INCA1: variants seen among roughly 807,000 people sequenced by gnomAD.
INCA1 encodes the protein protein INCA1.
A neutral mutation model predicts 25.7 loss-of-function variants in INCA1; 28 were observed. The ratio of observed to expected loss-of-function variants is 1.09; its 90% CI spans 0.81 to 1.49. INCA1 has a LOEUF of 1.49. INCA1 is among the 40% of genes most tolerant of loss of function. The probability of loss-of-function intolerance (pLI) is 0.00; values close to 1 mark genes in which losing one functional copy is unlikely to be tolerated. For missense variants in INCA1, 309 were observed against 290.9 expected (o/e 1.06, Z -0.45); for synonymous variants, 111 against 103.6 (o/e 1.07, Z -0.43).
intron 4 of INCA1, 93 bp from the exon 5 acceptor site, chr17:4,989,717 G>T: frequency 6.5e-7 from 1 of 1,545,308 alleles, no homozygotes; most frequent in Non-Finnish European, 8.9e-7. Flanking sequence ...TGGGGTCTTG[G>T]GAAGACCCCT....
chr17:4,989,595 C>T (rs772185191), exon 5 of INCA1: 1 of 1,614,112 alleles, frequency 6.2e-7, no homozygotes, highest in East Asian at 2.2e-5. Flanking sequence ...CAGGAGGATA[C>T]AGACCAAGCT....
In INCA1 at chr17:4,989,468, GGT is replaced by G. The variant is rs1567707540; in HGVS notation, c.353_354del (p.Tyr118SerfsTer28). 1.2e-6 allele frequency: 2 copies of G among 1,614,170 alleles called. No homozygotes were observed. The highest frequency in any genetic ancestry group is 1.7e-6 in the Non-Finnish European group (2 of 1,180,030). ...TGACGCCTTCTTAGGTCCTCCAGGT[GGT>G]AAGTGACAGCCCTCACCCGGGCGGG... On this transcript the variant is annotated frameshift_variant, in exon 5 of 7. Coordinates refer to ENST00000576820, the Ensembl canonical transcript of INCA1. LOFTEE classifies it high-confidence loss of function.
chr17:4,992,654 T>G (rs1005578685), intron 2 of INCA1, among the ~76,000 whole-genome samples: 1 of 47,690 alleles, frequency 2.1e-5, no homozygotes, highest in Non-Finnish European at 7.1e-5. Flanking sequence ...TCCCCTCCCC[T>G]CTTTTCCTTT....
At chr17:4,988,175 C>G, downstream of INCA1, 1 of 456,376 alleles carries the variant, frequency 2.2e-6, no homozygotes, top group Admixed American at 4.1e-5. Flanking sequence ...AATACAAGGC[C>G]AGGAGCGGGG....
intron 1 of INCA1, among the ~76,000 whole-genome samples, chr17:4,996,141 T>C (rs138532318): frequency 2.8e-3 from 425 of 152,024 alleles, no homozygotes; most frequent in Middle Eastern, 0.01. Flanking sequence ...TCCCAGCAAT[T>C]TGGGAGGCGG....
At chr17:4,988,480 C>T (rs371909633) in exon 7 of INCA1, 7 of 1,614,094 alleles carry the variant, frequency 4.3e-6, no homozygotes, top group East Asian at 2.2e-5. Flanking sequence ...CAGTGCTGAA[C>T]GAGGCCAGAG....
chr17:4,996,022 G>A (rs1178145334), intron 1 of INCA1: 1 of 152,238 alleles, frequency 6.6e-6, no homozygotes, highest in Non-Finnish European at 1.5e-5. Flanking sequence ...GGGAATGCCT[G>A]TGGATAGGGA....
chr17:4,994,388 A>G lies in INCA1; in HGVS notation c.44+6T>C, dbSNP rs764395573. ...CCCATGCTCCCCACCCAGTGGGAGG[A>G]CTCACTTGGCAAAGGGGATGAGGTT... is the stretch of plus-strand genomic sequence containing the variant. On this transcript the variant is annotated splice_donor_region_variant and intron_variant, in intron 2 of 6. Transcript: ENST00000576820. The G allele has an allele frequency of 6.8e-5, 110 of 1,613,430 alleles. 1 individual carries two copies. Among genetic ancestry groups the G allele is most frequent in the Non-Finnish European group, 9.1e-5 (107 of 1,179,732 alleles).
At chr17:4,989,016 C>A in intron 5 of INCA1, 72 bp from the exon 6 acceptor site, 1 of 1,479,144 alleles carries the variant, frequency 6.8e-7, no homozygotes, top group South Asian at 1.3e-5. Flanking sequence ...CTTCACCTTT[C>A]TGTTCTGAAA....
In INCA1 at chr17:4,989,493, GGGGACTCCCCCAAGGC is replaced by G; in HGVS notation, c.314_329del (p.Gly105AlafsTer4). 1 of 1,614,168 alleles carries G rather than the reference GGGGACTCCCCCAAGGC, an allele frequency of 6.2e-7. No homozygotes were observed. The highest frequency in any genetic ancestry group is 8.5e-7 in the Non-Finnish European group (1 of 1,180,034). ...GGTAAGTGACAGCCCTCACCCGGGC[GGGGACTCCCCCAAGGC>G]CCTGCTGCTGCATTCCTTCCAAACA... On this transcript the variant is annotated frameshift_variant, in exon 5 of 7. Transcript: ENST00000576820. LOFTEE classifies it high-confidence loss of function.
chr17:4,990,416 G>A, intron 2 of INCA1, 151 bp from the exon 3 acceptor site: 1 of 809,518 alleles, frequency 1.2e-6, no homozygotes, highest in Non-Finnish European at 1.9e-6. Context: ...AGCTGAAGAA[G>A]GTGGTAAGGC....
chr17:4,988,526 T>C lies in INCA1; in HGVS notation c.590A>G (p.Asp197Gly), dbSNP rs763730982. Reference sequence around the variant, plus strand: ...CCTGGAGGCACAAGCCTCCTCCTGATCCAGGGGGCTCCAGGGAGACCAAAG... The same window carrying C: ...CCTGGAGGCACAAGCCTCCTCCTGACCCAGGGGGCTCCAGGGAGACCAAAG... Residue 197 changes from aspartate (D) to glycine (G), a missense_variant, in exon 7 of 7, where the codon GAT becomes GGT. Asp to Gly is a moderately conservative substitution (Grantham distance 94, BLOSUM62 -1). Transcript: ENST00000576820. 7.9e-5 allele frequency: 127 copies of C among 1,609,172 alleles called. No individual in the cohort carries two copies. The highest frequency in any genetic ancestry group is 1.0e-4 in the Non-Finnish European group (121 of 1,178,746).
At chr17:4,994,927 T>C (rs1400482136) in intron 1 of INCA1, among the ~76,000 whole-genome samples, 1 of 151,752 alleles carries the variant, frequency 6.6e-6, no homozygotes, top group East Asian at 1.9e-4. Context: ...TTGTAGCGGC[T>C]GGGCGCAGTG....
chr17:4,995,383 G>A (rs967199161), intron 1 of INCA1, among the ~76,000 whole-genome samples: 5 of 152,206 alleles, frequency 3.3e-5, no homozygotes, highest in Non-Finnish European at 5.9e-5. Context: ...TGGCAATATG[G>A]GACAATGAAA....
Position 4,990,175 on chromosome 17 carries a change from C to T in INCA1, c.135G>A (p.Trp45Ter). ...ACGTGGGCCTTTGATTAAGGTTCTT[C>T]CAGAAGACATCTCCATAACGCTGGG... is the stretch of plus-strand genomic sequence containing the variant. Residue 45 changes from tryptophan (W) to a stop codon, truncating the protein, a stop_gained, in exon 3 of 7, where the codon TGG (tryptophan) becomes TGA (stop). Coordinates refer to ENST00000576820, the Ensembl canonical transcript of INCA1. LOFTEE classifies it high-confidence loss of function. 1 of 1,614,168 alleles carries T rather than the reference C, an allele frequency of 6.2e-7. No homozygotes were observed. The highest frequency in any genetic ancestry group is 1.1e-5 in the South Asian group (1 of 91,086).
At chr17:4,995,582 C>A (rs1463310710) in intron 1 of INCA1, among the ~76,000 whole-genome samples, 1 of 151,814 alleles carries the variant, frequency 6.6e-6, no homozygotes, top group Non-Finnish European at 1.5e-5. Context: ...ATTGCCTGAG[C>A]TCAGGAGTTG....
chr17:4,989,806 G>A, intron 4 of INCA1, 84 bp downstream of exon 4: 1 of 1,596,272 alleles, frequency 6.3e-7, no homozygotes, highest in South Asian at 1.1e-5. Flanking sequence ...ACAGAGGGAA[G>A]CGGTAATAAG....
At chr17:4,991,536 G>A (rs900844621) in intron 2 of INCA1, among the ~76,000 whole-genome samples, 2 of 152,160 alleles carry the variant, frequency 1.3e-5, no homozygotes, top group African/African-American at 4.8e-5. Context: ...AACCCCACAG[G>A]CTGAATGATG....
chr17:4,994,269 C>T, intron 2 of INCA1, 125 bp downstream of exon 2: 1 of 852,666 alleles, frequency 1.2e-6, no homozygotes, highest in Non-Finnish European at 1.9e-6. Flanking sequence ...AATGAATCAT[C>T]AATCCCCTGA....
Sources: gnomAD v4.1 joint callset for allele counts (sites outside exome capture counted in the v4.1 genomes callset) on GRCh38, gnomAD v4.1.1 for gene constraint, MANE v1.5 for transcripts, NCBI Gene and HGNC (gene_info 2026-07-23, HGNC 2026-07-21) for gene names.